Variants in SCFD2 observed in about 807,000 individuals in gnomAD.
SCFD2 encodes the protein sec1 family domain containing 2.
Under a neutral mutation model 58.9 loss-of-function variants are expected in SCFD2, and 54 were observed. That is an observed-to-expected ratio of 0.92 (90% CI 0.74 to 1.15). SCFD2 has a LOEUF of 1.15. Ranked by LOEUF, SCFD2 falls within the 50% of genes most tolerant of loss-of-function variation. The pLI is 0.00. For missense variants in SCFD2, 805 were observed against 836.6 expected, an observed-to-expected ratio of 0.96 and a Z score of 0.47; for synonymous variants, 321 against 335.9, an observed-to-expected ratio of 0.96 and a Z score of 0.49.
intron 2 of SCFD2, 26 bp from the exon 3 acceptor site, chr4:53,313,789 T>C (rs1732768895): frequency 6.2e-7 from 1 of 1,612,868 alleles, no homozygotes; most frequent in Non-Finnish European, 8.5e-7. Flanking sequence ...AAAAAGAGCT[T>C]TAGAATAAAT....
chr4:53,167,180 G>A (rs1315987911), intron 4 of SCFD2, among the ~76,000 whole-genome samples: 1 of 152,084 alleles, frequency 6.6e-6, no homozygotes, highest in Non-Finnish European at 1.5e-5. Flanking sequence ...AGTCTTCCCA[G>A]ACTGGTCAGA....
intron 3 of SCFD2, among the ~76,000 whole-genome samples, chr4:53,293,893 C>T (rs187593619): frequency 6.6e-6 from 1 of 151,776 alleles, no homozygotes; most frequent in South Asian, 2.1e-4. Flanking sequence ...CTCCCACCCC[C>T]TGACAGGCCC....
intron 2 of SCFD2, among the ~76,000 whole-genome samples, chr4:53,350,265 C>T (rs1201987894): frequency 6.6e-6 from 1 of 152,168 alleles, no homozygotes; most frequent in Non-Finnish European, 1.5e-5. Context: ...CAGCTCCCAA[C>T]CCACACTGGG....
chr4:52,903,867 G>A (rs796277732), intron 7 of SCFD2, among the ~76,000 whole-genome samples: 9 of 152,232 alleles, frequency 5.9e-5, no homozygotes, highest in East Asian at 1.9e-4. Context: ...TTAGAAAAAC[G>A]CTAGCATGAA....
At chr4:52,960,792 T>C (rs1169871388) in intron 5 of SCFD2, among the ~76,000 whole-genome samples, 2 of 152,078 alleles carry the variant, frequency 1.3e-5, no homozygotes, top group Non-Finnish European at 2.9e-5. Context: ...AACAAAAATT[T>C]ATTATACATC....
intron 4 of SCFD2, among the ~76,000 whole-genome samples, chr4:53,182,794 A>C (rs1428549491): frequency 2.6e-5 from 4 of 152,100 alleles, no homozygotes; most frequent in African/African-American, 9.7e-5. Flanking sequence ...AATGAACTCA[A>C]ACAAATTTAC....
chr4:53,052,196 C>A (rs1466376872), intron 5 of SCFD2, among the ~76,000 whole-genome samples: 6 of 152,202 alleles, frequency 3.9e-5, no homozygotes, highest in Non-Finnish European at 8.8e-5. Flanking sequence ...GCCTCTCTCT[C>A]CCCTTACTCT....
rs1344877920 is a variant in SCFD2, at chr4:52,910,363, T to TATC, written c.1708-2773_1708-2772insGAT. ...GGTGAAGCAGAGAGCTGGAGAAACC[T>TATC]TGGTAAGTGATGACTTATAGAGCCA... On this transcript the variant is annotated intron_variant, in intron 6 of 8. Coordinates refer to ENST00000401642, the MANE Select transcript of SCFD2 (RefSeq NM_152540.4). Among the ~76,000 whole-genome samples the TATC allele has an allele frequency of 8.3e-4, 126 of 152,312 alleles. 1 individual carries two copies. Among genetic ancestry groups the TATC allele is most frequent in the African/African-American group, 2.9e-3 (119 of 41,562 alleles).
chr4:53,014,728 C>T (rs1430706066), intron 5 of SCFD2, among the ~76,000 whole-genome samples: 1 of 152,164 alleles, frequency 6.6e-6, no homozygotes, highest in Non-Finnish European at 1.5e-5. Flanking sequence ...CAATGCCAAG[C>T]ATATAACAGG....
intron 8 of SCFD2, among the ~76,000 whole-genome samples, chr4:52,879,292 G>A (rs1216785378): frequency 6.6e-6 from 1 of 152,180 alleles, no homozygotes; most frequent in Non-Finnish European, 1.5e-5. Context: ...CCAGTGGGGA[G>A]AGAATCTTTG....
chr4:53,078,175 A>T (rs1577709192), intron 5 of SCFD2, among the ~76,000 whole-genome samples: 1 of 152,188 alleles, frequency 6.6e-6, no homozygotes, highest in African/African-American at 2.4e-5. Flanking sequence ...TACTTTATAG[A>T]CAAGGAACTG....
chr4:53,103,240 C>T (rs1413024528), intron 5 of SCFD2, among the ~76,000 whole-genome samples: 1 of 151,978 alleles, frequency 6.6e-6, no homozygotes. Flanking sequence ...GCAAAGGGCT[C>T]TGGATATAAC....
At chr4:53,271,588 G>C (rs549505636) in intron 4 of SCFD2, among the ~76,000 whole-genome samples, 4 of 151,768 alleles carry the variant, frequency 2.6e-5, no homozygotes, top group African/African-American at 9.7e-5. Context: ...TCAGCCTCCC[G>C]AGTAGCTGGG....
chr4:52,992,942 G>T (rs1414196508), intron 5 of SCFD2, among the ~76,000 whole-genome samples: 1 of 152,088 alleles, frequency 6.6e-6, no homozygotes, highest in Non-Finnish European at 1.5e-5. Context: ...TGGCGGTTTT[G>T]TCGAATAGAA....
chr4:53,234,412 TTC>T (rs1729532394), intron 4 of SCFD2, among the ~76,000 whole-genome samples: 1 of 152,170 alleles, frequency 6.6e-6, no homozygotes, highest in Non-Finnish European at 1.5e-5. Context: ...AGTTTATTAA[TTC>T]TCTCTATAAA....
At chr4:52,970,152 G>T (rs1410853817) in intron 5 of SCFD2, among the ~76,000 whole-genome samples, 1 of 152,204 alleles carries the variant, frequency 6.6e-6, no homozygotes, top group East Asian at 1.9e-4. Context: ...TCTCACTGGG[G>T]AGTGTTGGAA....
rs189365916 is a variant in SCFD2, at chr4:53,343,961, A to T, written c.1007+8637T>A. Among the ~76,000 whole-genome samples the T allele has an allele frequency of 6.0e-4, 92 of 152,330 alleles. 1 individual carries two copies. The East Asian group carries it at 0.014, about 24-fold the overall frequency. ...TATTGATGGGACGTATCTCAAAAAG[A>T]GCTATCTATGACAAACCCACAGCCA... On this transcript the variant is annotated intron_variant, in intron 2 of 8. Transcript: ENST00000401642.
At chr4:53,334,947 A>G (rs1733628877) in intron 2 of SCFD2, among the ~76,000 whole-genome samples, 1 of 152,156 alleles carries the variant, frequency 6.6e-6, no homozygotes. Context: ...CTGCAATCCC[A>G]GCACTTTGGG....
intron 7 of SCFD2, among the ~76,000 whole-genome samples, chr4:52,888,157 G>A (rs1158282921): frequency 3.9e-5 from 6 of 151,974 alleles, no homozygotes; most frequent in Non-Finnish European, 4.4e-5. Context: ...TGATCCACCC[G>A]CCTCGGCCTC....
Sources: gnomAD v4.1 joint callset for allele counts (sites outside exome capture counted in the v4.1 genomes callset) on GRCh38, gnomAD v4.1.1 for gene constraint, MANE v1.5 for transcripts, NCBI Gene and HGNC (gene_info 2026-07-23, HGNC 2026-07-21) for gene names.